Variants in DCC observed in about 807,000 individuals in gnomAD.
The protein encoded by DCC is DCC netrin 1 receptor.
A neutral mutation model predicts 172.5 loss-of-function variants in DCC; 58 were observed. The observed-to-expected ratio is 0.34, with a 90% CI of 0.27 to 0.42. The LOEUF is 0.42. DCC is among the 10% of genes least tolerant of loss of function. The pLI is 1.00. For synonymous variants in DCC, 709 were observed against 644.5 expected (o/e 1.10, Z -1.52); for missense variants, 1,740 against 1,791.0 (o/e 0.97, Z 0.51).
chr18:53,110,644 A>G (rs1312608254), intron 7 of DCC, among the ~76,000 whole-genome samples: 1 of 150,424 alleles, frequency 6.6e-6, no homozygotes. Context: ...AAACACATGA[A>G]AAAATGCTCA....
At chr18:53,093,934 T>C (rs2043048861) in intron 7 of DCC, among the ~76,000 whole-genome samples, 1 of 152,178 alleles carries the variant, frequency 6.6e-6, no homozygotes, top group South Asian at 2.1e-4. Flanking sequence ...GGCTGTTTCC[T>C]TGGCAACAAT....
chr18:52,400,906 A>G (rs989055569), intron 1 of DCC, among the ~76,000 whole-genome samples: 6 of 151,922 alleles, frequency 3.9e-5, no homozygotes, highest in Non-Finnish European at 8.8e-5. Flanking sequence ...GAACACATGG[A>G]CATAGGGAGG....
intron 12 of DCC, among the ~76,000 whole-genome samples, chr18:53,247,173 G>A (rs2056375365): frequency 6.6e-6 from 1 of 151,984 alleles, no homozygotes; most frequent in African/African-American, 2.4e-5. Flanking sequence ...TTAAAAATTG[G>A]ACATTGTCAT....
intron 7 of DCC, among the ~76,000 whole-genome samples, chr18:53,096,836 C>T (rs1224512093): frequency 6.6e-6 from 1 of 152,074 alleles, no homozygotes; most frequent in Non-Finnish European, 1.5e-5. Flanking sequence ...ATAGCATTAC[C>T]ATAATTACTA....
At chr18:52,986,784 C>T (rs1272191690) in intron 5 of DCC, among the ~76,000 whole-genome samples, 1 of 150,868 alleles carries the variant, frequency 6.6e-6, no homozygotes, top group Non-Finnish European at 1.5e-5. Flanking sequence ...CATACATATG[C>T]ATATATATAC....
chr18:52,709,300 T>C (rs17682427), intron 1 of DCC, among the ~76,000 whole-genome samples: 5,372 of 152,328 alleles, frequency 0.035, 146 homozygotes, highest in East Asian at 0.089. Context: ...ATGCTACTTA[T>C]AGTCTAGAAA....
chr18:52,436,591 TG>T, intron 1 of DCC, among the ~76,000 whole-genome samples: 1 of 152,290 alleles, frequency 6.6e-6, no homozygotes, highest in Middle Eastern at 3.4e-3. Flanking sequence ...TGGAATATTC[TG>T]CTCTTTCTTT....
At chr18:53,286,406 C>A (rs2056936160) in intron 12 of DCC, among the ~76,000 whole-genome samples, 1 of 152,158 alleles carries the variant, frequency 6.6e-6, no homozygotes, top group African/African-American at 2.4e-5. Context: ...GCTCTCTTCT[C>A]TTGTTGACCA....
intron 5 of DCC, among the ~76,000 whole-genome samples, chr18:52,969,765 T>C (rs912013023): frequency 6.6e-6 from 1 of 152,174 alleles, no homozygotes; most frequent in Non-Finnish European, 1.5e-5. Context: ...TTAAATTAGA[T>C]GAATTATATT....
chr18:53,149,748 G>T (rs1057480852), intron 7 of DCC, among the ~76,000 whole-genome samples: 1 of 152,128 alleles, frequency 6.6e-6, no homozygotes, highest in Non-Finnish European at 1.5e-5. Flanking sequence ...TTTCTGAAAA[G>T]AGCTCAAACT....
chr18:52,816,891 A>G (rs544844529), intron 2 of DCC: 2 of 152,274 alleles, frequency 1.3e-5, no homozygotes, highest in Admixed American at 1.3e-4. Context: ...ATTATCTTAG[A>G]ACTTTTGCTT....
At chr18:53,132,109 T>C (rs761715682) in intron 7 of DCC, among the ~76,000 whole-genome samples, 6 of 151,932 alleles carry the variant, frequency 3.9e-5, no homozygotes, top group African/African-American at 7.3e-5. Flanking sequence ...TATATACTTA[T>C]AGAATCATCT....
intron 1 of DCC, among the ~76,000 whole-genome samples, chr18:52,342,951 A>G (rs1983719616): frequency 6.6e-6 from 1 of 152,214 alleles, no homozygotes; most frequent in African/African-American, 2.4e-5. Context: ...TTTCTCCTCA[A>G]CAGACAGATC....
intron 14 of DCC, 37 bp downstream of exon 14, chr18:53,322,194 C>T: frequency 9.3e-7 from 1 of 1,080,254 alleles, no homozygotes; most frequent in Non-Finnish European, 1.4e-6. Context: ...CTCTGATTAT[C>T]TTCTTGTTAT....
At chr18:52,963,990 A>C (rs779279075) in intron 5 of DCC, among the ~76,000 whole-genome samples, 9 of 152,180 alleles carry the variant, frequency 5.9e-5, no homozygotes, top group Non-Finnish European at 8.8e-5. Context: ...CTAACCTCAA[A>C]ACATGCATAT....
chr18:52,462,875 G>A (rs1025828921), intron 1 of DCC, among the ~76,000 whole-genome samples: 21 of 144,176 alleles, frequency 1.5e-4, no homozygotes, highest in African/African-American at 4.2e-4. Flanking sequence ...AATGAATGAC[G>A]GAAATGTCCT....
intron 13 of DCC, among the ~76,000 whole-genome samples, chr18:53,321,380 C>A (rs931803080): frequency 2.0e-5 from 3 of 152,052 alleles, no homozygotes; most frequent in Non-Finnish European, 2.9e-5. Context: ...TCACTTACAT[C>A]AAAAATTTTC....
At chr18:53,161,091 T>G (rs2054831320) in intron 8 of DCC, among the ~76,000 whole-genome samples, 2 of 152,246 alleles carry the variant, frequency 1.3e-5, no homozygotes, top group African/African-American at 4.8e-5. Flanking sequence ...TTTGCTTCAA[T>G]TTCACTTTTC....
chr18:53,392,571 GGATCATAACAACAAGTTATATACTAA>G (rs1908622288), intron 17 of DCC, among the ~76,000 whole-genome samples: 1 of 151,784 alleles, frequency 6.6e-6, no homozygotes, highest in Non-Finnish European at 1.5e-5. Context: ...CCAGCCTCAG[GGATCATAACAACAAGTTATATACTAA>G]GATAATTTTG....
Sources: gnomAD v4.1 joint callset for allele counts (sites outside exome capture counted in the v4.1 genomes callset) on GRCh38, gnomAD v4.1.1 for gene constraint, MANE v1.5 for transcripts, NCBI Gene and HGNC (gene_info 2026-07-23, HGNC 2026-07-21) for gene names.